METTL15: variants seen among roughly 807,000 people sequenced by gnomAD.
The protein encoded by METTL15 is methyltransferase 15, mitochondrial 12S rRNA N4-cytidine.
In METTL15, 34 loss-of-function variants were observed where a neutral mutation model predicts 38.3. That is an observed-to-expected ratio of 0.89 (90% CI 0.68 to 1.18). METTL15 has a LOEUF of 1.18. Ranked by LOEUF, METTL15 falls within the 50% of genes most tolerant of loss-of-function variation. The pLI, the probability that METTL15 is intolerant of heterozygous loss-of-function variation, is 0.00. For missense variants in METTL15, 438 were observed against 498.4 expected, an observed-to-expected ratio of 0.88 and a Z score of 1.15; for synonymous variants, 162 against 170.9, an observed-to-expected ratio of 0.95 and a Z score of 0.41.
At chr11:28,221,729 T>G (rs1328905514) in intron 4 of METTL15, among the ~76,000 whole-genome samples, 3 of 152,210 alleles carry the variant, frequency 2.0e-5, no homozygotes, top group African/African-American at 7.2e-5. Flanking sequence ...AGATGGGGTT[T>G]TGGTGTGGAT....
intron 6 of METTL15, among the ~76,000 whole-genome samples, chr11:28,446,400 A>G (rs932700193): frequency 2.6e-5 from 4 of 152,102 alleles, no homozygotes; most frequent in African/African-American, 9.7e-5. Context: ...GTTGATCACT[A>G]ACTTCCTCAA....
chr11:28,210,328 A>T (rs1455840461), intron 3 of METTL15, among the ~76,000 whole-genome samples: 1 of 151,914 alleles, frequency 6.6e-6, no homozygotes, highest in Non-Finnish European at 1.5e-5. Flanking sequence ...TGTTACCTTA[A>T]CAATTAGGCA....
At chr11:28,116,493 T>C (rs1305430255) in intron 3 of METTL15, among the ~76,000 whole-genome samples, 2 of 152,218 alleles carry the variant, frequency 1.3e-5, no homozygotes, top group Admixed American at 1.3e-4. Flanking sequence ...CTGGACTGCC[T>C]AGGTTCTAAG....
At chr11:28,355,501 G>T (rs998090634) in intron 4 of METTL15, among the ~76,000 whole-genome samples, 1 of 152,016 alleles carries the variant, frequency 6.6e-6, no homozygotes, top group Non-Finnish European at 1.5e-5. Flanking sequence ...AATACAATTG[G>T]CCGTGCGTAT....
chr11:28,360,727 A>T (rs1159778643), intron 4 of METTL15, among the ~76,000 whole-genome samples: 1 of 151,842 alleles, frequency 6.6e-6, no homozygotes, highest in East Asian at 1.9e-4. Flanking sequence ...TTACATATGT[A>T]TACATGTGCC....
At chr11:28,203,064 G>T (rs1852174637) in intron 3 of METTL15, among the ~76,000 whole-genome samples, 1 of 152,056 alleles carries the variant, frequency 6.6e-6, no homozygotes, top group Non-Finnish European at 1.5e-5. Context: ...AGGAGTCTGA[G>T]ATGAGTCTTA....
chr11:28,230,966 G>A (rs1010410032), intron 4 of METTL15, among the ~76,000 whole-genome samples: 1 of 151,840 alleles, frequency 6.6e-6, no homozygotes, highest in Non-Finnish European at 1.5e-5. Context: ...AGATAGACAA[G>A]TAAACCTCTA....
chr11:28,296,703 T>C, intron 5 of METTL15, 50 bp from the exon 6 acceptor site: 1 of 1,593,286 alleles, frequency 6.3e-7, no homozygotes, highest in Non-Finnish European at 8.6e-7. Context: ...TTTCACGTCT[T>C]GTCAATGAGA....
At chr11:28,169,285 A>G (rs979062263) in intron 3 of METTL15, among the ~76,000 whole-genome samples, 10 of 152,218 alleles carry the variant, frequency 6.6e-5, no homozygotes, top group African/African-American at 7.2e-5. Flanking sequence ...CGTGGCTGTT[A>G]TAAGTACTTT....
intron 5 of METTL15, among the ~76,000 whole-genome samples, chr11:28,384,131 G>C (rs949911980): frequency 6.6e-6 from 1 of 152,096 alleles, no homozygotes; most frequent in East Asian, 1.9e-4. Flanking sequence ...CCCTGCAATG[G>C]ATAAGATATT....
At chr11:28,290,638 C>G (rs1379164709) in intron 5 of METTL15, among the ~76,000 whole-genome samples, 1 of 152,082 alleles carries the variant, frequency 6.6e-6, no homozygotes, top group Non-Finnish European at 1.5e-5. Flanking sequence ...AACTTTCATA[C>G]TGATTATCTT....
chr11:28,110,352 G>A lies in METTL15; in HGVS notation c.-67G>A, dbSNP rs1004467810. 2.0e-5 allele frequency: 3 copies of A among 152,186 alleles called. No homozygotes were observed. Among genetic ancestry groups the A allele is most frequent in the East Asian group, 1.9e-4 (1 of 5,166 alleles). The allele number at this position is 152,186 out of a possible 1,614,324, so 9.4% of individuals were successfully genotyped here. A position where few individuals can be genotyped will look rare whatever the true frequency, so the allele number is the denominator to read the frequency against. On this transcript the variant is annotated 5_prime_UTR_variant, in exon 2 of 7. Transcript: ENST00000407364. The stretch of plus-strand genomic sequence containing the variant: ...ATTCAGGTTCTCCTGGACCGTAGTG[G>A]TAGTCGCTGGCCCGAGTTAGAGGCC...
intron 4 of METTL15, among the ~76,000 whole-genome samples, chr11:28,223,842 G>A (rs1853357347): frequency 2.0e-5 from 3 of 152,080 alleles, no homozygotes; most frequent in Non-Finnish European, 2.9e-5. Context: ...TTAACTTGCA[G>A]CAATGAGGTG....
chr11:28,135,589 C>A (rs749251391), intron 3 of METTL15, among the ~76,000 whole-genome samples: 1 of 152,194 alleles, frequency 6.6e-6, no homozygotes, highest in East Asian at 1.9e-4. Context: ...GGGAAGCAAA[C>A]CCTTCCAGTC....
intron 5 of METTL15, among the ~76,000 whole-genome samples, chr11:28,376,368 A>G (rs1250334272): frequency 6.6e-6 from 1 of 151,826 alleles, no homozygotes; most frequent in African/African-American, 2.4e-5. Flanking sequence ...GTGCATATAT[A>G]TTTAGGATAG....
At chr11:28,428,323 C>T (rs1850883048) in intron 6 of METTL15, among the ~76,000 whole-genome samples, 1 of 152,080 alleles carries the variant, frequency 6.6e-6, no homozygotes, top group Non-Finnish European at 1.5e-5. Flanking sequence ...AGAAAAGGTA[C>T]AGTAAAAATA....
At chr11:28,471,003 T>C (rs1851299137) in intron 6 of METTL15, among the ~76,000 whole-genome samples, 1 of 152,108 alleles carries the variant, frequency 6.6e-6, no homozygotes, top group African/African-American at 2.4e-5. Context: ...TTCTTACCTC[T>C]GATATTTCTG....
At chr11:28,264,260 A>G (rs2133945418) in intron 4 of METTL15, among the ~76,000 whole-genome samples, 1 of 152,252 alleles carries the variant, frequency 6.6e-6, no homozygotes, top group East Asian at 1.9e-4. Context: ...TTTATATTGC[A>G]ATTCACTTTT....
chr11:28,445,866 G>A (rs1034829119), intron 6 of METTL15, among the ~76,000 whole-genome samples: 3 of 151,640 alleles, frequency 2.0e-5, no homozygotes, highest in Admixed American at 1.3e-4. Context: ...TTGCCCAGGC[G>A]GTCTCAAACT....
Sources: gnomAD v4.1 joint callset for allele counts (sites outside exome capture counted in the v4.1 genomes callset) on GRCh38, gnomAD v4.1.1 for gene constraint, MANE v1.5 for transcripts, NCBI Gene and HGNC (gene_info 2026-07-23, HGNC 2026-07-21) for gene names.